The following MBD4 variants were observed in gnomAD, a reference collection of about 807,000 sequenced individuals.
The protein encoded by MBD4 is methyl-CpG-binding domain protein 4.
In MBD4, 53 loss-of-function variants were observed where a neutral mutation model predicts 60.2. The ratio of observed to expected loss-of-function variants is 0.88; its 90% CI spans 0.71 to 1.11. The LOEUF (loss-of-function observed/expected upper bound fraction) is 1.11. Among genes scored for constraint, MBD4 ranks in the 50% least tolerant of loss-of-function variants. The probability of loss-of-function intolerance (pLI) is 0.00; values close to 1 mark genes in which losing one functional copy is unlikely to be tolerated. For missense variants in MBD4, 619 were observed against 674.0 expected (o/e 0.92, Z 0.90); for synonymous variants, 231 against 229.8 (o/e 1.01, Z -0.05).
In MBD4 at chr3:129,433,251, G is replaced by A; in HGVS notation, c.1394-4C>T. 1 of 1,613,984 alleles carries A rather than the reference G, an allele frequency of 6.2e-7. No individual in the cohort carries two copies. Among genetic ancestry groups the A allele is most frequent in the Non-Finnish European group, 8.5e-7 (1 of 1,179,976 alleles). ...AGCACAGGTATTGCCATTTTGCCTG[G>A]GAAGTAAAAGTAACTGAATGATTAC... is the stretch of plus-strand genomic sequence containing the variant. On this transcript the variant is annotated splice_region_variant and splice_polypyrimidine_tract_variant and intron_variant, in intron 5 of 7. Coordinates refer to ENST00000429544, the MANE Select transcript of MBD4 (RefSeq NM_001276270.2).
intron 7 of MBD4, chr3:129,432,282 G>A: frequency 6.8e-7 from 1 of 1,465,078 alleles, no homozygotes; most frequent in South Asian, 1.4e-5. Context: ...CACTGGAGAT[G>A]AGTCAGAGGC....
chr3:129,435,884 C>T (rs1339690402), intron 3 of MBD4, among the ~76,000 whole-genome samples: 1 of 152,052 alleles, frequency 6.6e-6, no homozygotes, highest in Non-Finnish European at 1.5e-5. Context: ...TGTGATTATA[C>T]TTTTGAATTA....
At chr3:129,438,733 C>T (rs2107761880) in intron 1 of MBD4, among the ~76,000 whole-genome samples, 1 of 150,986 alleles carries the variant, frequency 6.6e-6, no homozygotes, top group East Asian at 2.0e-4. Context: ...CAGTGAGATC[C>T]TCGTCTTTGC....
chr3:129,433,738 G>T, intron 5 of MBD4, 112 bp downstream of exon 5: 1 of 1,254,104 alleles, frequency 8.0e-7, no homozygotes. Flanking sequence ...AAGGGGGAAT[G>T]CCCTATCCCA....
rs754635946 is a variant in MBD4, at chr3:129,436,749, T to A, written c.895A>T (p.Thr299Ser). The A allele has an allele frequency of 1.9e-6, 3 of 1,613,918 alleles. No homozygotes were observed. The highest frequency in any genetic ancestry group is 2.5e-6 in the Non-Finnish European group (3 of 1,179,986). ...TTTTCTTCACTGGTCACACTGAGGG[T>A]CTCACCACATGCTCCAGCATCAGAA... ...CISDAGACGE[T>S]LSVTSEENSL... Residue 299 changes from threonine (T) to serine (S), a missense_variant, in exon 3 of 8, where the codon ACC becomes TCC. By Grantham distance (58) the Thr-to-Ser change is moderately conservative (BLOSUM62 1). Transcript: ENST00000429544.
intron 3 of MBD4, among the ~76,000 whole-genome samples, chr3:129,435,243 C>A (rs1030330569): frequency 1.3e-5 from 2 of 151,036 alleles, no homozygotes; most frequent in Admixed American, 1.3e-4. Flanking sequence ...AAAAAAAGAA[C>A]AAAGGAAACT....
In MBD4 at chr3:129,438,884, T is replaced by C. The variant is rs1000984886; in HGVS notation, c.104+846A>G. On this transcript the variant is annotated intron_variant, in intron 1 of 7. Coordinates refer to ENST00000429544, the MANE Select transcript of MBD4 (RefSeq NM_001276270.2). ...GGCAGGTCAAGGCTTCAGGGAGCTATGATTGTGCCACTGCACTCCAGCCTG... is the reference window on the plus strand; with the variant it reads ...GGCAGGTCAAGGCTTCAGGGAGCTACGATTGTGCCACTGCACTCCAGCCTG... Among the ~76,000 whole-genome samples the C allele has an allele frequency of 2.6e-5, 4 of 152,092 alleles. No individual in the cohort carries two copies. In the South Asian group the frequency reaches 8.3e-4, roughly 32 times the overall value.
At position 129,437,824 on chromosome 3, in the gene MBD4, A is replaced by T; in HGVS notation, c.231T>A (p.Thr77=). ...EPIASAQFGA[T]AGTECRKSVP... is the part of the protein sequence containing the mutation. ...CAGACTTACGGCATTCTGTTCCTGC[A>T]GTAGCACCAAACTGAGCAGAAGCGA... The change falls in exon 2 of 8, where the codon ACT becomes ACA. Residue 77 remains threonine (T), a synonymous_variant. Coordinates refer to ENST00000429544, the MANE Select transcript of MBD4 (RefSeq NM_001276270.2). 1 of 1,614,016 alleles carries T rather than the reference A, an allele frequency of 6.2e-7. No homozygotes were observed. Among genetic ancestry groups the T allele is most frequent in the Non-Finnish European group, 8.5e-7 (1 of 1,179,846 alleles).
In MBD4 at chr3:129,439,753, G is replaced by A. The variant is rs750028193; in HGVS notation, c.81C>T (p.Val27=). 6.3e-7 allele frequency: 1 copy of A among 1,599,556 alleles called. No individual in the cohort carries two copies. Among genetic ancestry groups the A allele is most frequent in the East Asian group, 2.3e-5 (1 of 44,314 alleles). ...APTVTSSERL[V]PDPPNDLRKE... is the part of the protein sequence containing the mutation. ...ACCGGAGGTCATTCGGCGGGTCTGG[G>A]ACTAGGCGCTCACTAGAGGTGACGG... Residue 27 remains valine (V), a synonymous_variant, in exon 1 of 8, where the codon GTC becomes GTT. Transcript: ENST00000429544.
rs140693 is a variant in MBD4 at position 129,436,608 on chromosome 3, C to T, written c.1036G>A (p.Glu346Lys). 34,621 of 1,614,056 alleles carry T rather than the reference C, an allele frequency of 0.021. 4,120 individuals are homozygous for T. The East Asian group carries it at 0.37, about 17-fold the overall frequency. The stretch of plus-strand genomic sequence containing the variant: ...TCTAAAAAGGTATCCTCATACTTCT[C>T]GTTGTGTTCTGAGTCTTTGGCTGAA... ...FCSAKDSEHN[E>K]KYEDTFLESE... Residue 346 changes from glutamate to lysine, a missense_variant, in exon 3 of 8, where the codon GAG becomes AAG. Physicochemically the swap from Glu to Lys is moderately conservative, Grantham distance 56. Transcript: ENST00000429544.
intron 3 of MBD4, among the ~76,000 whole-genome samples, chr3:129,434,337 AG>A (rs2072417214): frequency 6.6e-6 from 1 of 152,218 alleles, no homozygotes; most frequent in African/African-American, 2.4e-5. Flanking sequence ...AAGGACATTG[AG>A]GCACAGAGAA....
At chr3:129,435,791 T>C (rs2072447059) in intron 3 of MBD4, among the ~76,000 whole-genome samples, 1 of 152,240 alleles carries the variant, frequency 6.6e-6, no homozygotes, top group African/African-American at 2.4e-5. Context: ...CTTTTATCTC[T>C]TATTCACTGA....
intron 3 of MBD4, among the ~76,000 whole-genome samples, chr3:129,434,867 T>C (rs1282117965): frequency 6.6e-6 from 1 of 152,186 alleles, no homozygotes; most frequent in African/African-American, 2.4e-5. Flanking sequence ...CTGAGACAAC[T>C]ACCTATTGAG....
chr3:129,438,764 C>CA (rs1049213647), intron 1 of MBD4, among the ~76,000 whole-genome samples: 51 of 150,688 alleles, frequency 3.4e-4, no homozygotes, highest in South Asian at 2.7e-3. Context: ...AAAAAAAACC[C>CA]AAAAAAACAA....
At position 129,437,860 on chromosome 3, in the gene MBD4, T is replaced by C. The variant is rs1370742765; in HGVS notation, c.195A>G (p.Leu65=). ...IKRSSECNPL[L]QEPIASAQFG... ...ACTGAGCAGAAGCGATGGGTTCTTG[T>C]AGCAAGGGATTACATTCACTGCTTC... The change falls in exon 2 of 8, where the codon CTA becomes CTG. Residue 65 remains leucine (L), a synonymous_variant. Transcript: ENST00000429544. The C allele has an allele frequency of 6.2e-7, 1 of 1,614,092 alleles. No individual in the cohort carries two copies. The highest frequency in any genetic ancestry group is 8.5e-7 in the Non-Finnish European group (1 of 1,179,910).
intron 6 of MBD4, among the ~76,000 whole-genome samples, chr3:129,432,866 G>C (rs188766658): frequency 6.1e-4 from 93 of 152,292 alleles, no homozygotes; most frequent in African/African-American, 2.2e-3. Flanking sequence ...CTGCTTCACT[G>C]ACTTCTTCCC....
rs140696 is a variant in MBD4 at position 129,433,246 on chromosome 3, G to C, written c.1395C>G (p.Gly465=). ...IATIFLNRTS[G]KMAIPVLWKF... The stretch of plus-strand genomic sequence containing the variant: ...TCCAAAGCACAGGTATTGCCATTTT[G>C]CCTGGGAAGTAAAAGTAACTGAATG... Residue 465 remains glycine (G), a splice_region_variant and synonymous_variant, in exon 6 of 8, where the codon GGC becomes GGG. Transcript: ENST00000429544. The C allele has an allele frequency of 6.8e-6, 11 of 1,613,926 alleles. No homozygotes were observed. The South Asian group carries it at 1.2e-4, about 18-fold the overall frequency.
rs1559800907 is a variant in MBD4, at chr3:129,436,861, A to G, written c.783T>C (p.Asp261=). The change falls in exon 3 of 8, where the codon GAT becomes GAC. Residue 261 remains aspartate (D), a synonymous_variant. Transcript: ENST00000429544. Reference sequence around the variant, plus strand: ...TATTACACACAGATTCTCTTTTGCTATCACTTTGAACAAAACCTGAACAGC... The same window carrying G: ...TATTACACACAGATTCTCTTTTGCTGTCACTTTGAACAAAACCTGAACAGC... ...RKSCSGFVQS[D]SKRESVCNKA... 1.2e-6 allele frequency: 2 copies of G among 1,614,124 alleles called. No homozygotes were observed. Among genetic ancestry groups the G allele is most frequent in the East Asian group, 4.5e-5 (2 of 44,882 alleles).
intron 6 of MBD4, 93 bp downstream of exon 6, chr3:129,433,005 A>T: frequency 6.6e-7 from 1 of 1,517,534 alleles, no homozygotes; most frequent in Non-Finnish European, 9.1e-7. Flanking sequence ...AACCTCCATT[A>T]ATATAGTATC....
Sources: allele counts gnomAD v4.1 joint callset (sites outside exome capture counted in the v4.1 genomes callset), GRCh38; gene constraint gnomAD v4.1.1; transcripts MANE v1.5; gene names NCBI Gene and HGNC (gene_info 2026-07-23, HGNC 2026-07-21).